Variants in PCNX2 observed in about 807,000 individuals in gnomAD.
The protein encoded by PCNX2 is pecanex 2, also known as pecanex-like protein 2.
Under a neutral mutation model 223.8 loss-of-function variants are expected in PCNX2, and 168 were observed. The observed-to-expected ratio is 0.75, with a 90% CI of 0.66 to 0.85. The LOEUF (loss-of-function observed/expected upper bound fraction) is 0.85. Among genes scored for constraint, PCNX2 ranks in the 40% least tolerant of loss-of-function variants. The probability of loss-of-function intolerance (pLI) is 0.00; values close to 1 mark genes in which losing one functional copy is unlikely to be tolerated. For synonymous variants in PCNX2, 1,006 were observed against 1,052.6 expected, an observed-to-expected ratio of 0.96 and a Z score of 0.86; for missense variants, 2,507 against 2,675.5, an observed-to-expected ratio of 0.94 and a Z score of 1.39.
intron 19 of PCNX2, among the ~76,000 whole-genome samples, chr1:233,155,963 G>C (rs887038744): frequency 3.9e-5 from 6 of 152,108 alleles, no homozygotes; most frequent in Non-Finnish European, 8.8e-5. Flanking sequence ...AACTTAGCTT[G>C]GGGGGAAATA....
chr1:233,150,741 C>A (rs1291621100), intron 19 of PCNX2, among the ~76,000 whole-genome samples: 1 of 91,234 alleles, frequency 1.1e-5, no homozygotes, highest in African/African-American at 5.6e-5. Context: ...CCAAAACCAT[C>A]CCATTGATTT....
intron 25 of PCNX2, among the ~76,000 whole-genome samples, chr1:233,037,616 T>G (rs912668133): frequency 6.6e-6 from 1 of 152,186 alleles, no homozygotes; most frequent in South Asian, 2.1e-4. Flanking sequence ...TGCACCACCA[T>G]GCCTGGCCTT....
chr1:233,164,447 G>A (rs1036710003), intron 17 of PCNX2, among the ~76,000 whole-genome samples: 2 of 151,932 alleles, frequency 1.3e-5, no homozygotes, highest in Admixed American at 1.3e-4. Flanking sequence ...TGTGTTTTTC[G>A]AAGTAAATAA....
intron 1 of PCNX2, among the ~76,000 whole-genome samples, chr1:233,274,339 T>C (rs1014342755): frequency 6.6e-6 from 1 of 152,194 alleles, no homozygotes; most frequent in African/African-American, 2.4e-5. Flanking sequence ...ATAGCATCCT[T>C]AGTTTCTACA....
At chr1:233,199,060 T>C (rs1558334641) in intron 14 of PCNX2, 30 bp from the exon 15 acceptor site, 6 of 1,517,904 alleles carry the variant, frequency 4.0e-6, no homozygotes, top group Non-Finnish European at 5.3e-6. Context: ...AGTTCTTTTC[T>C]AGACCCGCCA....
chr1:233,235,285 A>C (rs1658316913), intron 9 of PCNX2, among the ~76,000 whole-genome samples: 1 of 152,154 alleles, frequency 6.6e-6, no homozygotes, highest in Non-Finnish European at 1.5e-5. Context: ...TACCCTAATT[A>C]GCACTTTTTT....
chr1:233,134,038 G>A (rs1676663659), intron 21 of PCNX2, among the ~76,000 whole-genome samples: 1 of 151,952 alleles, frequency 6.6e-6, no homozygotes, highest in Non-Finnish European at 1.5e-5. Flanking sequence ...AAGATGAACA[G>A]AACTGATTAA....
chr1:233,102,168 T>A (rs1293425822), intron 21 of PCNX2, among the ~76,000 whole-genome samples: 1 of 150,824 alleles, frequency 6.6e-6, no homozygotes, highest in Non-Finnish European at 1.5e-5. Context: ...TCACTTAACA[T>A]AATGTCCTCC....
At chr1:233,230,338 C>T (rs1347507271) in intron 9 of PCNX2, among the ~76,000 whole-genome samples, 1 of 152,078 alleles carries the variant, frequency 6.6e-6, no homozygotes, top group Admixed American at 6.6e-5. Context: ...AGTGAGGACC[C>T]TCAGTGGAGT....
At chr1:232,996,830 T>C (rs1298956086) in intron 32 of PCNX2, among the ~76,000 whole-genome samples, 1 of 152,236 alleles carries the variant, frequency 6.6e-6, no homozygotes, top group African/African-American at 2.4e-5. Context: ...ACAATGTAAA[T>C]GAACAGCTTA....
At position 232,999,328 on chromosome 1, in the gene PCNX2, T is replaced by C. The variant is rs1669989318; in HGVS notation, c.5380A>G (p.Ile1794Val). ...GLWAGQQQEL[I>V]FLRNRNPERG... is the part of the protein sequence containing the mutation. ...TCCGGATTGCGGTTGCGAAGAAATA[T>C]AAGCTCCTGCTGCTGCCCGGCCCAA... is the stretch of plus-strand genomic sequence containing the variant. Residue 1794 changes from isoleucine (I) to valine (V), a missense_variant, in exon 31 of 34, where the codon ATA (isoleucine) becomes GTA (valine). Ile to Val is a conservative substitution (Grantham distance 29, BLOSUM62 3). This residue lies in a region of PCNX2 where 1,372 missense variants were observed against 1,509.4 expected (regional missense o/e 0.91). Coordinates refer to ENST00000258229, the MANE Select transcript of PCNX2 (RefSeq NM_014801.4). 2.5e-6 allele frequency: 4 copies of C among 1,603,592 alleles called. No individual in the cohort carries two copies. Among genetic ancestry groups the C allele is most frequent in the East Asian group, 2.2e-5 (1 of 44,494 alleles).
intron 25 of PCNX2, among the ~76,000 whole-genome samples, chr1:233,052,396 T>G (rs934332355): frequency 3.0e-4 from 45 of 152,320 alleles, no homozygotes; most frequent in African/African-American, 1.0e-3. Flanking sequence ...CTCACCTTTC[T>G]AGCATTACCT....
In PCNX2 at chr1:233,175,588, C is replaced by T. The variant is rs1000827851; in HGVS notation, c.3273+2214G>A. Among the ~76,000 whole-genome samples, 12 of 152,148 alleles carry T rather than the reference C, an allele frequency of 7.9e-5. No homozygotes were observed. In the South Asian group the frequency reaches 8.3e-4, roughly 11 times the overall value. On this transcript the variant is annotated intron_variant, in intron 17 of 33. Coordinates refer to ENST00000258229, the MANE Select transcript of PCNX2 (RefSeq NM_014801.4). ...TTTGGGTAGACTCTGGGCCACCCTA[C>T]GGCTTTTACAGAAAATGCTGTAGGA...
In PCNX2 at chr1:232,986,196, C is replaced by T. The variant is rs1027676358; in HGVS notation, c.6136G>A (p.Gly2046Arg). The T allele has an allele frequency of 2.4e-5, 37 of 1,560,254 alleles. No homozygotes were observed. Among genetic ancestry groups the T allele is most frequent in the Non-Finnish European group, 3.0e-5 (35 of 1,151,626 alleles). ...TTGCCCCCCTCCGCAGCAGAGAGTC[C>T]GGAAATGACGAGCGCGCTGGAAAAG... Reference protein sequence around the residue: ...RSFSSALVISGLSAAEGGNTS... With the variant: ...RSFSSALVISRLSAAEGGNTS... The change falls in exon 33 of 34, where the codon GGA becomes AGA. Residue 2046 changes from glycine to arginine, a missense_variant. Around this residue, in one of 3 missense-constraint regions of PCNX2, gnomAD observed 1,372 missense variants for 1,509.4 expected, o/e 0.91. Transcript: ENST00000258229.
At chr1:233,211,694 T>G in intron 12 of PCNX2, 5 of 885,872 alleles carry the variant, frequency 5.6e-6, no homozygotes, top group Non-Finnish European at 6.8e-6. Context: ...CCTGGCTTCC[T>G]CTACCAACCA....
chr1:233,141,919 T>G (rs573426579), intron 19 of PCNX2, among the ~76,000 whole-genome samples: 1 of 151,880 alleles, frequency 6.6e-6, no homozygotes, highest in Non-Finnish European at 1.5e-5. Context: ...TAAAGTATTA[T>G]CAGTACAAAC....
chr1:233,262,634 A>G (rs1038744101), intron 2 of PCNX2, among the ~76,000 whole-genome samples: 1 of 152,200 alleles, frequency 6.6e-6, no homozygotes, highest in Admixed American at 6.5e-5. Context: ...TCTTTAAAAT[A>G]CTCTGGCATG....
At chr1:233,020,108 CA>C (rs903237726) in intron 26 of PCNX2, among the ~76,000 whole-genome samples, 4 of 152,200 alleles carry the variant, frequency 2.6e-5, no homozygotes, top group African/African-American at 9.7e-5. Flanking sequence ...AACAACCCCA[CA>C]ACCGATGAAG....
At chr1:233,087,228 T>C (rs1481417690) in intron 23 of PCNX2, 1 of 984,696 alleles carries the variant, frequency 1.0e-6, no homozygotes, top group Admixed American at 6.2e-5. Context: ...AGATCTGCAA[T>C]AAAAACCAAG....
Sources: allele counts gnomAD v4.1 joint callset (sites outside exome capture counted in the v4.1 genomes callset), GRCh38; gene constraint gnomAD v4.1.1; regional missense constraint gnomAD v4.1.1; transcripts MANE v1.5; gene names NCBI Gene and HGNC (gene_info 2026-07-23, HGNC 2026-07-21).